Variants in NBAS observed in about 807,000 individuals in gnomAD.
NBAS encodes NBAS subunit of NRZ tethering complex.
In NBAS, 219 loss-of-function variants were observed where a neutral mutation model predicts 302.5. The ratio of observed to expected loss-of-function variants is 0.72; its 90% CI spans 0.65 to 0.81. The LOEUF is 0.81. Among genes scored for constraint, NBAS ranks in the 30% least tolerant of loss-of-function variants. The pLI is 0.00. For missense variants in NBAS, 2,932 were observed against 2,841.6 expected, an observed-to-expected ratio of 1.03 and a Z score of -0.72; for synonymous variants, 1,118 against 1,021.6, an observed-to-expected ratio of 1.09 and a Z score of -1.80.
the NBAS span, among the ~76,000 whole-genome samples, chr2:15,104,798 C>T: frequency 6.6e-6 from 1 of 152,110 alleles, no homozygotes; most frequent in Admixed American, 6.6e-5. Flanking sequence ...TCTCTAATGA[C>T]CAGTGACGAT....
At chr2:15,134,736 T>C in the NBAS span, among the ~76,000 whole-genome samples, 1 of 152,234 alleles carries the variant, frequency 6.6e-6, no homozygotes, top group Non-Finnish European at 1.5e-5. Context: ...TTAAATCATT[T>C]GCTTCCTTAT....
intron 24 of NBAS, 109 bp from the exon 25 acceptor site, chr2:15,415,828 A>G: frequency 8.9e-7 from 1 of 1,127,606 alleles, no homozygotes; most frequent in Non-Finnish European, 1.3e-6. Flanking sequence ...ACTGATGTTA[A>G]ACAGTGCAAA....
chr2:15,096,095 G>C, the NBAS span, among the ~76,000 whole-genome samples: 1 of 152,230 alleles, frequency 6.6e-6, no homozygotes, highest in African/African-American at 2.4e-5. Context: ...CTATTCTTTA[G>C]ATGTATCAGT....
At chr2:15,463,258 A>G (rs1462182569) in intron 19 of NBAS, among the ~76,000 whole-genome samples, 1 of 152,210 alleles carries the variant, frequency 6.6e-6, no homozygotes, top group Non-Finnish European at 1.5e-5. Flanking sequence ...TGGGCAACAG[A>G]GCAAGACCCC....
chr2:14,822,086 T>C, the NBAS span, among the ~76,000 whole-genome samples: 1 of 152,096 alleles, frequency 6.6e-6, no homozygotes, highest in Non-Finnish European at 1.5e-5. Flanking sequence ...ATGTTATTAA[T>C]GCGATCATCC....
In NBAS at chr2:15,309,200, C is replaced by G. The variant is rs762413546; in HGVS notation, c.4630G>C (p.Ala1544Pro). ...GGTAAGGCAAGAAGGTAAGCAAGAG[C>G]CAAGGTCATGTCATTTGGCAAGGCT... ...SEALPNDMTL[A>P]LAYLLALPQV... is the part of the protein sequence containing the mutation. The change falls in exon 39 of 52, where the codon GCT becomes CCT. Residue 1544 changes from alanine to proline, a missense_variant. Physicochemically the swap from Ala to Pro is conservative, Grantham distance 27. Coordinates refer to ENST00000281513, the MANE Select transcript of NBAS (RefSeq NM_015909.4). 1 of 1,612,756 alleles carries G rather than the reference C, an allele frequency of 6.2e-7. No individual in the cohort carries two copies. The highest frequency in any genetic ancestry group is 8.5e-7 in the Non-Finnish European group (1 of 1,179,168).
chr2:15,314,299 T>C (rs1427038562), intron 38 of NBAS, among the ~76,000 whole-genome samples: 1 of 152,158 alleles, frequency 6.6e-6, no homozygotes, highest in Non-Finnish European at 1.5e-5. Context: ...GAGACTGCAG[T>C]GCGCCAAGAC....
the NBAS span, among the ~76,000 whole-genome samples, chr2:15,043,499 A>G: frequency 6.6e-6 from 1 of 152,198 alleles, no homozygotes; most frequent in Non-Finnish European, 1.5e-5. Flanking sequence ...CATCTTGGCC[A>G]GGACACAGGA....
chr2:14,794,463 T>C, the NBAS span, among the ~76,000 whole-genome samples: 30 of 152,344 alleles, frequency 2.0e-4, 1 homozygote, highest in African/African-American at 6.3e-4. Context: ...TTATAACAAG[T>C]GATCATTTCA....
intron 9 of NBAS, among the ~76,000 whole-genome samples, chr2:15,524,316 T>C (rs1255680642): frequency 6.6e-6 from 1 of 152,232 alleles, no homozygotes; most frequent in East Asian, 1.9e-4. Flanking sequence ...TGGTGGTTCC[T>C]AACTGTGCTA....
At chr2:15,181,850 G>A (rs6726817) in intron 50 of NBAS, among the ~76,000 whole-genome samples, 41,313 of 152,128 alleles carry the variant, frequency 0.27, 6,920 homozygotes, top group East Asian at 0.64. Flanking sequence ...AGGTGTTGCA[G>A]GGCCTACAGC....
Position 15,218,906 on chromosome 2 carries a change from G to C in NBAS, c.6299C>G (p.Ala2100Gly). The C allele has an allele frequency of 1.2e-6, 2 of 1,614,244 alleles. No individual in the cohort carries two copies. The highest frequency in any genetic ancestry group is 1.1e-5 in the South Asian group (1 of 91,086). The change falls in exon 48 of 52, where the codon GCC becomes GGC. Residue 2100 changes from alanine (A) to glycine (G), a missense_variant. Physicochemically the swap from Ala to Gly is moderately conservative, Grantham distance 60. Coordinates refer to ENST00000281513, the MANE Select transcript of NBAS (RefSeq NM_015909.4). ...GTGAATGCGGGGCCGCACCGGCCAG[G>C]CGTCATCAGCACAGAAAGGCCGCAG... Reference protein sequence around the residue: ...EWLRPFCADDAWPVRPRIHVL... With the variant: ...EWLRPFCADDGWPVRPRIHVL...
chr2:14,940,091 C>T, the NBAS span, among the ~76,000 whole-genome samples: 1 of 152,152 alleles, frequency 6.6e-6, no homozygotes, highest in African/African-American at 2.4e-5. Context: ...CTAGTTTACC[C>T]CCTACAGTAG....
At chr2:14,918,001 TG>T in the NBAS span, among the ~76,000 whole-genome samples, 1 of 152,138 alleles carries the variant, frequency 6.6e-6, no homozygotes, top group Non-Finnish European at 1.5e-5. Flanking sequence ...GTGGGACCCC[TG>T]GTTTTTAACT....
chr2:15,128,861 C>G, the NBAS span, among the ~76,000 whole-genome samples: 3 of 152,168 alleles, frequency 2.0e-5, no homozygotes, highest in African/African-American at 7.2e-5. Context: ...GGCCGGGAGA[C>G]AGTCACAGGA....
the NBAS span, among the ~76,000 whole-genome samples, chr2:14,838,122 C>G: frequency 6.6e-6 from 1 of 151,786 alleles, no homozygotes; most frequent in Non-Finnish European, 1.5e-5. Context: ...CACCTGATAA[C>G]GCTCATTTAT....
rs770496559 is a variant in NBAS, at chr2:15,276,968, T to C, written c.5272A>G (p.Arg1758Gly). 6.2e-7 allele frequency: 1 copy of C among 1,614,024 alleles called. No homozygotes were observed. Among genetic ancestry groups the C allele is most frequent in the Non-Finnish European group, 8.5e-7 (1 of 1,179,960 alleles). ...YPTIGGFDHE[R>G]LQYYFTLLEN... is the part of the protein sequence containing the mutation. ...AGAAGAGTGAAATAATACTGCAGCC[T>C]TTCGTGATCAAAGCCACCAATAGTA... The change falls in exon 43 of 52, where the codon AGG (arginine) becomes GGG (glycine). Residue 1758 changes from arginine (R) to glycine (G), a missense_variant. Coordinates refer to ENST00000281513, the MANE Select transcript of NBAS (RefSeq NM_015909.4).
the NBAS span, among the ~76,000 whole-genome samples, chr2:14,966,760 C>T: frequency 5.3e-5 from 8 of 152,160 alleles, no homozygotes; most frequent in East Asian, 1.9e-4. Context: ...TGTCCACTCT[C>T]GCCGTTTCTA....
At chr2:14,929,132 T>C in the NBAS span, among the ~76,000 whole-genome samples, 1 of 152,254 alleles carries the variant, frequency 6.6e-6, no homozygotes, top group East Asian at 1.9e-4. Context: ...CTATTTACCA[T>C]GCAGATTCGT....
Sources: gnomAD v4.1 joint callset for allele counts (sites outside exome capture counted in the v4.1 genomes callset) on GRCh38, gnomAD v4.1.1 for gene constraint, MANE v1.5 for transcripts, NCBI Gene and HGNC (gene_info 2026-07-23, HGNC 2026-07-21) for gene names.